EHMT1: variants seen among roughly 807,000 people sequenced by gnomAD.
The protein encoded by EHMT1 is euchromatic histone lysine methyltransferase 1, also known as histone-lysine N-methyltransferase EHMT1.
A neutral mutation model predicts 147.2 loss-of-function variants in EHMT1; 15 were observed. The ratio of observed to expected loss-of-function variants is 0.10; its 90% confidence interval spans 0.07 to 0.16. The LOEUF is 0.16. EHMT1 is among the 10% of genes least tolerant of loss of function. The pLI, the probability that EHMT1 is intolerant of heterozygous loss-of-function variation, is 1.00. For synonymous variants in EHMT1, 795 were observed against 709.6 expected (o/e 1.12, Z -1.91); for missense variants, 1,587 against 1,772.4 (o/e 0.90, Z 1.88).
In EHMT1 at chr9:137,799,049, C is replaced by T. The variant is rs540829502; in HGVS notation, c.2607+135C>T. 47 of 675,666 alleles carry T rather than the reference C, an allele frequency of 7.0e-5. No individual in the cohort carries two copies. The East Asian group carries it at 1.1e-3, about 15-fold the overall frequency. The allele number at this position is 675,666 out of a possible 1,614,324, so 41.9% of individuals were successfully genotyped here. ...CACAGAGCCAGCTCGGGCCCTCCAG[C>T]GTCCTCTTCCACACTTAGGGCCAGC... On this transcript the variant is annotated intron_variant, in intron 17 of 26. Coordinates refer to ENST00000460843, the MANE Select transcript of EHMT1 (RefSeq NM_024757.5).
intron 1 of EHMT1, among the ~76,000 whole-genome samples, chr9:137,658,012 A>C (rs1211102846): frequency 1.3e-5 from 2 of 151,542 alleles, no homozygotes; most frequent in African/African-American, 2.4e-5. Flanking sequence ...TAACACAGTG[A>C]CCTCCAGTTC....
chr9:137,775,371 G>T lies in EHMT1; in HGVS notation c.1791+119G>T. The T allele has an allele frequency of 6.9e-7, 1 of 1,458,838 alleles. No individual in the cohort carries two copies. The allele number at this position is 1,458,838 out of a possible 1,614,324, so 90.4% of individuals were successfully genotyped here. A position where few individuals can be genotyped will look rare whatever the true frequency, so the allele number is the denominator to read the frequency against. ...GTGGTCCAGCAGCTGGCCCAGGTCT[G>T]GTGTCCGTCTGGAGGTCTCCAGTGT... On this transcript the variant is annotated intron_variant, in intron 11 of 26. Coordinates refer to ENST00000460843, the MANE Select transcript of EHMT1 (RefSeq NM_024757.5). The surrounding 1 kb of genome is among the most constrained non-coding windows in gnomAD (Gnocchi z 6.1).
intron 4 of EHMT1, among the ~76,000 whole-genome samples, chr9:137,739,363 A>C (rs1947850100): frequency 1.3e-5 from 2 of 152,122 alleles, no homozygotes; most frequent in South Asian, 4.1e-4. Context: ...CTCAAAAAAA[A>C]AAAAAAAAGA....
chr9:137,783,621 A>G (rs1449020007), intron 15 of EHMT1, among the ~76,000 whole-genome samples: 2 of 152,240 alleles, frequency 1.3e-5, no homozygotes, highest in Non-Finnish European at 2.9e-5. Context: ...GGGGCTTGTC[A>G]GCTGTAGGGT....
At chr9:137,685,926 G>A (rs995433207) in intron 1 of EHMT1, among the ~76,000 whole-genome samples, 10 of 150,668 alleles carry the variant, frequency 6.6e-5, no homozygotes, top group Non-Finnish European at 1.3e-4. Context: ...TTTTTATTGC[G>A]TTGTAAGATT....
Position 137,743,501 on chromosome 9 carries a change from C to T in EHMT1, c.954C>T (p.Ser318=), listed in dbSNP as rs1420497337. The T allele has an allele frequency of 6.2e-7, 1 of 1,614,096 alleles. No individual in the cohort carries two copies. The highest frequency in any genetic ancestry group is 2.2e-5 in the East Asian group (1 of 44,890). Residue 318 remains serine (S), a synonymous_variant, in exon 5 of 27, where the codon AGC becomes AGT. Transcript: ENST00000460843. The part of the protein sequence containing the change: ...KQRTVIEMFK[S]ITHSTVGSKG... ...GGACGGTGATTGAGATGTTTAAGAG[C>T]ATAACTCATTCCACTGTGGGTTCCA...
At position 137,762,870 on chromosome 9, in the gene EHMT1, A is replaced by T. The variant is rs763103404; in HGVS notation, c.1647+50A>T. On this transcript the variant is annotated intron_variant, in intron 10 of 26. Coordinates refer to ENST00000460843, the MANE Select transcript of EHMT1 (RefSeq NM_024757.5). ...AGCAGCCACGAGGAGTGAGTGAGAAAGCCCAGCCCAGCAGGGGCCCCGACA... is the reference window on the plus strand; with the variant it reads ...AGCAGCCACGAGGAGTGAGTGAGAATGCCCAGCCCAGCAGGGGCCCCGACA... 6 of 1,610,362 alleles carry T rather than the reference A, an allele frequency of 3.7e-6. No homozygotes were observed. The African/African-American group carries it at 6.7e-5, about 18-fold the overall frequency.
intron 6 of EHMT1, among the ~76,000 whole-genome samples, chr9:137,744,829 C>A (rs531975451): frequency 6.6e-6 from 1 of 152,252 alleles, no homozygotes; most frequent in East Asian, 1.9e-4. Flanking sequence ...CGGGCCAAGG[C>A]CCCAGCCTTG....
chr9:137,781,053 C>CGTGTGGTGATGACGCCGGGAT (rs1564748096), intron 14 of EHMT1, among the ~76,000 whole-genome samples: 2 of 128,594 alleles, frequency 1.6e-5, no homozygotes, highest in Non-Finnish European at 1.6e-5. Flanking sequence ...GACGCCGAGA[C>CGTGTGGTGATGACGCCGGGAT]GTGTGGTGAT....
chr9:137,797,438 C>G (rs569059236), intron 16 of EHMT1, among the ~76,000 whole-genome samples: 1 of 152,258 alleles, frequency 6.6e-6, no homozygotes, highest in East Asian at 1.9e-4. Flanking sequence ...GCGTCTGTCT[C>G]TCACCTGCTT....
Position 137,781,046 on chromosome 9 carries a change from G to A in EHMT1, c.2276-1245G>A, listed in dbSNP as rs1403778866. Among the ~76,000 whole-genome samples the A allele has an allele frequency of 3.4e-5, 5 of 145,726 alleles. No individual in the cohort carries two copies. The East Asian group carries it at 9.9e-4, about 29-fold the overall frequency. On this transcript the variant is annotated intron_variant, in intron 14 of 26. Coordinates refer to ENST00000460843, the MANE Select transcript of EHMT1 (RefSeq NM_024757.5). ...TGACGCCGAGACGTGTGGTGATGAC[G>A]CCGAGACGTGTGGTGATGACGCCGG...
At chr9:137,660,326 A>G (rs2134068559) in intron 1 of EHMT1, among the ~76,000 whole-genome samples, 1 of 152,160 alleles carries the variant, frequency 6.6e-6, no homozygotes, top group Middle Eastern at 3.4e-3. Flanking sequence ...ACAGAGCCAG[A>G]CCCTGTCTCA....
chr9:137,782,233 C>G lies in EHMT1; in HGVS notation c.2276-58C>G. ...GTGCTTGCCAGCCATCGTGACAGTC[C>G]TGAGCTGGAGTCTGTGGCTACATCT... On this transcript the variant is annotated intron_variant, in intron 14 of 26. Transcript: ENST00000460843. This position sits in a 1 kb window ranked among gnomAD's most constrained non-coding sequence, Gnocchi z 5.7. The G allele has an allele frequency of 1.3e-6, 2 of 1,491,026 alleles. No homozygotes were observed. Among genetic ancestry groups the G allele is most frequent in the Non-Finnish European group, 1.8e-6 (2 of 1,084,006 alleles). The allele number at this position is 1,491,026 out of a possible 1,614,324, so 92.4% of individuals were successfully genotyped here.
At position 137,803,076 on chromosome 9, in the gene EHMT1, G is replaced by A. The variant is rs115411569; in HGVS notation, c.2712+2092G>A. On this transcript the variant is annotated intron_variant, in intron 18 of 26. Transcript: ENST00000460843. ...GGGGAAGGCGGCCCTAGTGTGGCTG[G>A]TCGGCCTGCATGCCTGGGCAGTTTG... is the stretch of plus-strand genomic sequence containing the variant. 7,130 of 1,230,244 alleles carry A rather than the reference G, an allele frequency of 5.8e-3. 360 individuals carry two copies. The African/African-American group carries it at 0.1, about 18-fold the overall frequency. 76.2% of individuals were successfully genotyped at this position (1,230,244 alleles called of 1,614,324 possible).
At chr9:137,744,212 T>G (rs1359480272) in intron 6 of EHMT1, 122 bp downstream of exon 6, 3 of 1,030,838 alleles carry the variant, frequency 2.9e-6, no homozygotes, top group Non-Finnish European at 4.3e-6. Flanking sequence ...TACAATTGGC[T>G]TAGATTTTTG....
Position 137,698,697 on chromosome 9 carries a change from C to G in EHMT1, c.22-12270C>G, listed in dbSNP as rs141872840. Among the ~76,000 whole-genome samples, 4 of 152,304 alleles carry G rather than the reference C, an allele frequency of 2.6e-5. No homozygotes were observed. In the East Asian group the frequency reaches 7.7e-4, roughly 29 times the overall value. ...CAGCCATGAAACCATTGAGTCTTTT[C>G]TTCATGACATACCAGTGGCCAGTGT... On this transcript the variant is annotated intron_variant, in intron 1 of 26. Coordinates refer to ENST00000460843, the MANE Select transcript of EHMT1 (RefSeq NM_024757.5).
chr9:137,767,393 G>T (rs1464651707), intron 10 of EHMT1, among the ~76,000 whole-genome samples: 1 of 152,178 alleles, frequency 6.6e-6, no homozygotes, highest in Admixed American at 6.5e-5. Flanking sequence ...TATGAAGGTG[G>T]TCTGATAAGG....
At position 137,782,377 on chromosome 9, in the gene EHMT1, A is replaced by G. The variant is rs1273280349; in HGVS notation, c.2362A>G (p.Ile788Val). 2 of 1,611,260 alleles carry G rather than the reference A, an allele frequency of 1.2e-6. No individual in the cohort carries two copies. The highest frequency in any genetic ancestry group is 1.7e-6 in the Non-Finnish European group (2 of 1,179,732). Residue 788 changes from isoleucine (I) to valine (V), a missense_variant, in exon 15 of 27, where the codon ATC (isoleucine) becomes GTC (valine). Ile to Val is a conservative substitution (Grantham distance 29). This residue lies in a region of EHMT1 where 201 missense variants were observed against 350.1 expected (regional missense o/e 0.57). Coordinates refer to ENST00000460843, the MANE Select transcript of EHMT1 (RefSeq NM_024757.5). The surrounding 1 kb of genome is among the most constrained non-coding windows in gnomAD (Gnocchi z 5.7). ...CGCGGCAGAGGCTGGACACGTGGAC[A>G]TCTGCCACATGCTGGTTCAGGTGCG... The part of the protein sequence containing the change: ...HAAAEAGHVD[I>V]CHMLVQAGAN...
chr9:137,620,790 TA>T, intron 1 of EHMT1, among the ~76,000 whole-genome samples: 1 of 152,348 alleles, frequency 6.6e-6, no homozygotes, highest in South Asian at 2.1e-4. Context: ...AGTAGGTGTT[TA>T]ATACATGACC....
Sources: gnomAD v4.1 joint callset for allele counts (sites outside exome capture counted in the v4.1 genomes callset) on GRCh38, gnomAD v4.1.1 for gene constraint, gnomAD v4.1.1 regional missense constraint, Gnocchi (gnomAD v3.1) non-coding constraint, MANE v1.5 for transcripts, NCBI Gene and HGNC (gene_info 2026-07-23, HGNC 2026-07-21) for gene names.